The following ACTA2 variants were observed in gnomAD, a reference collection of about 807,000 sequenced individuals.
The protein encoded by ACTA2 is actin, aortic smooth muscle.
ACTA2 carries 12 observed loss-of-function variants against 39.5 expected under a neutral mutation model. The ratio of observed to expected loss-of-function variants is 0.30; its 90% confidence interval spans 0.19 to 0.49. ACTA2 has a LOEUF of 0.49. ACTA2 is among the 20% of genes least tolerant of loss of function. The pLI is 0.99. For synonymous variants in ACTA2, 158 were observed against 180.6 expected, an observed-to-expected ratio of 0.88 and a Z score of 1.00; for missense variants, 236 against 498.8, an observed-to-expected ratio of 0.47 and a Z score of 5.02.
intron 1 of ACTA2, among the ~76,000 whole-genome samples, chr10:88,962,935 AT>A (rs1564653441): frequency 0.029 from 289 of 10,106 alleles, 15 homozygotes; most frequent in African/African-American, 0.19. Context: ...ATATATATAT[AT>A]ATATATATAT....
At chr10:88,955,027 AAAAAAAG>A (rs1234595727), upstream of ACTA2, among the ~76,000 whole-genome samples, 2 of 151,558 alleles carry the variant, frequency 1.3e-5, no homozygotes, top group Non-Finnish European at 2.9e-5. Context: ...AAAAAAAAAA[AAAAAAAG>A]AAGAAGAAGG....
chr10:88,943,649 G>C lies in ACTA2; in HGVS notation c.369+148C>G. On this transcript the variant is annotated intron_variant, in intron 4 of 8. Coordinates refer to ENST00000224784, the MANE Select transcript of ACTA2 (RefSeq NM_001613.4). ...ATGCAAGTACTTTCAAGCTGTTCCTGTCCTTTGGGATCCCTGAGTTCACTG... is the reference window on the plus strand; with the variant it reads ...ATGCAAGTACTTTCAAGCTGTTCCTCTCCTTTGGGATCCCTGAGTTCACTG... 4.1e-6 allele frequency: 3 copies of C among 729,042 alleles called. No homozygotes were observed. In the South Asian group the frequency reaches 4.4e-5, roughly 11 times the overall value. The allele number at this position is 729,042 out of a possible 1,614,324, so 45.2% of individuals were successfully genotyped here. A position where few individuals can be genotyped will look rare whatever the true frequency, so the allele number is the denominator to read the frequency against.
At chr10:88,991,199 C>T (rs1047934457) in exon 1 of ACTA2, 28 of 560,842 alleles carry the variant, frequency 5.0e-5, no homozygotes, top group Non-Finnish European at 8.0e-5. Flanking sequence ...GAGACCACTG[C>T]GCTCCACGTT....
intron 1 of ACTA2, among the ~76,000 whole-genome samples, chr10:88,972,941 TTGTGTA>T (rs1254686418): frequency 1.3e-5 from 2 of 152,294 alleles, no homozygotes; most frequent in African/African-American, 2.4e-5. Flanking sequence ...AAGATTGTGT[TTGTGTA>T]TGTGTATGTG....
At chr10:88,967,447 C>T (rs191107052) in intron 1 of ACTA2, among the ~76,000 whole-genome samples, 184 of 152,220 alleles carry the variant, frequency 1.2e-3, no homozygotes, top group African/African-American at 4.1e-3. Flanking sequence ...CATCAGGTGG[C>T]GATGAGGACA....
chr10:88,983,595 G>T (rs1589427865), intron 1 of ACTA2, among the ~76,000 whole-genome samples: 2 of 75,808 alleles, frequency 2.6e-5, no homozygotes, highest in African/African-American at 5.4e-5. Context: ...GTTTAGATAA[G>T]TTAACAGGTT....
intron 1 of ACTA2, among the ~76,000 whole-genome samples, chr10:88,976,813 T>A (rs1158483211): frequency 6.6e-6 from 1 of 152,214 alleles, no homozygotes; most frequent in Non-Finnish European, 1.5e-5. Flanking sequence ...AGGTGCTGGG[T>A]AGAGTTGAAG....
At chr10:88,966,418 T>C (rs778082036) in intron 1 of ACTA2, among the ~76,000 whole-genome samples, 9 of 152,184 alleles carry the variant, frequency 5.9e-5, no homozygotes, top group Admixed American at 1.3e-4. Flanking sequence ...ACTAAGCCCT[T>C]TGGCCCTCAT....
intron 3 of ACTA2, 123 bp downstream of exon 3, chr10:88,947,135 C>A: frequency 7.2e-7 from 1 of 1,379,610 alleles, no homozygotes; most frequent in Non-Finnish European, 1.0e-6. Context: ...TGAACATTAA[C>A]AAGTAAAAGT....
chr10:88,962,141 G>C (rs1846235143), intron 1 of ACTA2, among the ~76,000 whole-genome samples: 1 of 152,166 alleles, frequency 6.6e-6, no homozygotes, highest in South Asian at 2.1e-4. Context: ...CCCATCTGTT[G>C]TTGTAATGCT....
chr10:88,970,913 T>G (rs928169201), intron 1 of ACTA2, among the ~76,000 whole-genome samples: 1 of 151,804 alleles, frequency 6.6e-6, no homozygotes, highest in Non-Finnish European at 1.5e-5. Flanking sequence ...ATATAAAGAA[T>G]TCCCCACTTA....
chr10:88,960,351 G>A (rs113038302), intron 1 of ACTA2, among the ~76,000 whole-genome samples: 13 of 152,234 alleles, frequency 8.5e-5, no homozygotes, highest in African/African-American at 1.2e-4. Context: ...GTGAACTGGC[G>A]GATTTGCTAG....
At chr10:88,991,186 T>C in exon 1 of ACTA2, 2 of 574,336 alleles carry the variant, frequency 3.5e-6, no homozygotes, top group South Asian at 2.0e-5. Flanking sequence ...CCGGCGCTCC[T>C]CGGAGACCAC....
intron 1 of ACTA2, chr10:88,973,224 G>T (rs1846489163): frequency 6.2e-7 from 1 of 1,612,456 alleles, no homozygotes; most frequent in Non-Finnish European, 8.5e-7. Context: ...CACTGCTTTG[G>T]AGATGGAGCC....
At chr10:88,966,522 G>A (rs1364981966) in intron 1 of ACTA2, among the ~76,000 whole-genome samples, 1 of 152,132 alleles carries the variant, frequency 6.6e-6, no homozygotes, top group Non-Finnish European at 1.5e-5. Flanking sequence ...AATATAAATA[G>A]GCAGTATAAA....
At chr10:88,963,707 A>G (rs944110503) in intron 1 of ACTA2, among the ~76,000 whole-genome samples, 14 of 152,176 alleles carry the variant, frequency 9.2e-5, no homozygotes, top group African/African-American at 3.4e-4. Context: ...AGGCTAGTGA[A>G]GAAGGTGAGT....
At chr10:88,948,026 A>G (rs1211881816) in intron 2 of ACTA2, among the ~76,000 whole-genome samples, 1 of 152,168 alleles carries the variant, frequency 6.6e-6, no homozygotes, top group Non-Finnish European at 1.5e-5. Context: ...TAGATTTTAA[A>G]TTGCACTGCA....
chr10:88,935,944 A>G (rs927641977), intron 8 of ACTA2, among the ~76,000 whole-genome samples: 14 of 152,074 alleles, frequency 9.2e-5, no homozygotes, highest in Admixed American at 9.2e-4. Flanking sequence ...GCACAGGCCT[A>G]ACCTGCAAGG....
chr10:88,937,111 C>T (rs572622118), intron 8 of ACTA2, among the ~76,000 whole-genome samples: 10 of 146,612 alleles, frequency 6.8e-5, no homozygotes, highest in African/African-American at 2.0e-4. Context: ...GAAACACAAA[C>T]GCTGTTGGAA....
Sources: gnomAD v4.1 joint callset for allele counts (sites outside exome capture counted in the v4.1 genomes callset) on GRCh38, gnomAD v4.1.1 for gene constraint, MANE v1.5 for transcripts, NCBI Gene and HGNC (gene_info 2026-07-23, HGNC 2026-07-21) for gene names.